Variants in CMTM4 observed in about 807,000 individuals in gnomAD.
CMTM4 encodes CKLF like MARVEL transmembrane domain containing 4, also known as CKLF-like MARVEL transmembrane domain-containing protein 4.
A neutral mutation model predicts 19.0 loss-of-function variants in CMTM4; 8 were observed. The observed-to-expected ratio is 0.42, with a 90% confidence interval of 0.25 to 0.76. The LOEUF is 0.76. Ranked by LOEUF, CMTM4 falls within the 30% of genes least tolerant of loss-of-function variation. The pLI, the probability that CMTM4 is intolerant of heterozygous loss-of-function variation, is 0.27. For missense variants in CMTM4, 228 were observed against 290.2 expected (o/e 0.79, Z 1.56); for synonymous variants, 106 against 121.1 (o/e 0.88, Z 0.82).
Position 66,621,771 on chromosome 16 carries a change from T to A in CMTM4, c.*287A>T. 1 of 1,252,610 alleles carries A rather than the reference T, an allele frequency of 8.0e-7. No homozygotes were observed. The highest frequency in any genetic ancestry group is 3.4e-5 in the East Asian group (1 of 29,034). 77.6% of individuals were successfully genotyped at this position (1,252,610 alleles called of 1,614,324 possible). On this transcript the variant is annotated 3_prime_UTR_variant, in exon 4 of 4. Transcript: ENST00000394106. ...CTTGTTACAAATACACACGACAAGG[T>A]GGCTCAGAGTCAAAGGAAGCCTGTG...
In CMTM4 at chr16:66,636,579, G is replaced by T. The variant is rs777720274; in HGVS notation, c.189C>A (p.Ile63=). ...TGCAGATGAATGCAATCAGGGCCAA[G>T]ATCTAGGAAGAAAATTGGAAACATA... ...ALGRLKVAQV[I]LALIAFICIE... Residue 63 remains isoleucine, a splice_region_variant and synonymous_variant, in exon 2 of 4, where the codon ATC becomes ATA. Coordinates refer to ENST00000394106, the MANE Select transcript of CMTM4 (RefSeq NM_181521.3). 6.8e-6 allele frequency: 11 copies of T among 1,613,404 alleles called. No homozygotes were observed. The highest frequency in any genetic ancestry group is 9.3e-6 in the Non-Finnish European group (11 of 1,179,554).
At chr16:66,610,085 G>A (rs2015319416), downstream of CMTM4, 4 of 1,560,078 alleles carry the variant, frequency 2.6e-6, no homozygotes, top group Admixed American at 1.8e-5. The surrounding 1 kb of genome is among the most constrained non-coding windows in gnomAD (Gnocchi z 4.6). Context: ...TTTGAGGCTG[G>A]GGTGGGATCA....
chr16:66,663,957 G>A (rs1567422384), intron 1 of CMTM4, among the ~76,000 whole-genome samples: 1 of 152,286 alleles, frequency 6.6e-6, no homozygotes, highest in South Asian at 2.1e-4. Context: ...AACAGGCCAG[G>A]TGCAGTGGCA....
At chr16:66,603,680 T>C in the CMTM4 span, among the ~76,000 whole-genome samples, 1 of 152,200 alleles carries the variant, frequency 6.6e-6, no homozygotes, top group Admixed American at 6.5e-5. Context: ...GAGTTAGTTA[T>C]GTCAAGGGTG....
the CMTM4 span, among the ~76,000 whole-genome samples, chr16:66,602,191 G>C: frequency 6.6e-6 from 1 of 152,226 alleles, no homozygotes. Flanking sequence ...GAGGCCAGGA[G>C]TTCAAGACCA....
rs757590415 is a variant in CMTM4 at position 66,687,498 on chromosome 16, A to AAAAATAAAAT, written c.186+8832_186+8841dup. On this transcript the variant is annotated intron_variant, in intron 1 of 3. Coordinates refer to ENST00000394106, the MANE Select transcript of CMTM4 (RefSeq NM_181521.3). Reference sequence around the variant, plus strand: ...CTAGGCAACATAGCGAGACCGTCTCAAAAATAAAATAAAATAAAATAAAAT... The same window carrying AAAAATAAAAT: ...CTAGGCAACATAGCGAGACCGTCTCAAAAATAAAATAAAATAAAATAAAATAAAATAAAAT... Among the ~76,000 whole-genome samples the AAAAATAAAAT allele has an allele frequency of 3.3e-5, 5 of 152,068 alleles. No homozygotes were observed. In the East Asian group the frequency reaches 9.7e-4, roughly 29 times the overall value.
chr16:66,610,383 A>G (rs374280034), downstream of CMTM4, among the ~76,000 whole-genome samples: 1 of 152,264 alleles, frequency 6.6e-6, no homozygotes, highest in South Asian at 2.1e-4. This position sits in a 1 kb window ranked among gnomAD's most constrained non-coding sequence, Gnocchi z 4.6. Flanking sequence ...TGTCCTGGGA[A>G]GCTCAGAGCC....
chr16:66,680,845 T>C (rs1436023233), intron 1 of CMTM4, among the ~76,000 whole-genome samples: 2 of 150,798 alleles, frequency 1.3e-5, no homozygotes, highest in African/African-American at 4.9e-5. Context: ...CATTTAGTTA[T>C]GTCCTTTCCA....
At chr16:66,647,789 G>A (rs1451021768) in intron 1 of CMTM4, among the ~76,000 whole-genome samples, 1 of 151,482 alleles carries the variant, frequency 6.6e-6, no homozygotes, top group African/African-American at 2.4e-5. Context: ...TCCCACCTCA[G>A]CCTCCCGAGT....
chr16:66,640,416 A>G (rs1300449950), intron 1 of CMTM4, among the ~76,000 whole-genome samples: 4 of 152,192 alleles, frequency 2.6e-5, no homozygotes, highest in Non-Finnish European at 4.4e-5. Flanking sequence ...AGAGCACTGG[A>G]GGCAGAGTGG....
Position 66,696,348 on chromosome 16 carries a change from C to A in CMTM4, c.178G>T (p.Ala60Ser). The stretch of plus-strand genomic sequence containing the variant: ...CCCCGCCCGGCACCTACCACTTGGG[C>A]GACCTTGAGGCGGCCGAGCGCGCCG... ...LRGALGRLKV[A>S]QVILALIAFI... Residue 60 changes from alanine (A) to serine (S), a missense_variant, in exon 1 of 4, where the codon GCC becomes TCC. Coordinates refer to ENST00000394106, the MANE Select transcript of CMTM4 (RefSeq NM_181521.3). The surrounding 1 kb of genome is among the most constrained non-coding windows in gnomAD (Gnocchi z 4.3). 1 of 1,409,248 alleles carries A rather than the reference C, an allele frequency of 7.1e-7. No homozygotes were observed. The highest frequency in any genetic ancestry group is 9.2e-7 in the Non-Finnish European group (1 of 1,082,648). The allele number at this position is 1,409,248 out of a possible 1,614,324, so 87.3% of individuals were successfully genotyped here.
chr16:66,693,481 A>G (rs2017174882), intron 1 of CMTM4, among the ~76,000 whole-genome samples: 1 of 152,232 alleles, frequency 6.6e-6, no homozygotes, highest in Admixed American at 6.5e-5. Flanking sequence ...AAGTATCTTC[A>G]TAATGACTTC....
chr16:66,618,559 G>A lies in CMTM4; in HGVS notation c.*3499C>T. ...TTCTCATGTGAATCTACAAGAAAAG[G>A]TACGCCTGGGCCACACGCAGGACAT... On this transcript the variant is annotated 3_prime_UTR_variant, in exon 4 of 4. Transcript: ENST00000394106. 1 of 985,466 alleles carries A rather than the reference G, an allele frequency of 1.0e-6. No homozygotes were observed. The highest frequency in any genetic ancestry group is 1.2e-6 in the Non-Finnish European group (1 of 829,968). 61.0% of individuals were successfully genotyped at this position (985,466 alleles called of 1,614,324 possible). A position where few individuals can be genotyped will look rare whatever the true frequency, so the allele number is the denominator to read the frequency against.
chr16:66,693,901 G>A (rs1200529535), intron 1 of CMTM4, among the ~76,000 whole-genome samples: 1 of 151,920 alleles, frequency 6.6e-6, no homozygotes, highest in African/African-American at 2.4e-5. Context: ...GTGCGTCTGT[G>A]GTCCCAGCTA....
intron 1 of CMTM4, among the ~76,000 whole-genome samples, chr16:66,674,164 A>G (rs1021306499): frequency 1.3e-5 from 2 of 152,194 alleles, no homozygotes; most frequent in African/African-American, 4.8e-5. Context: ...CGAAGGGAGG[A>G]CATAGGCCTT....
At chr16:66,672,416 C>T (rs1302257701) in intron 1 of CMTM4, among the ~76,000 whole-genome samples, 1 of 133,008 alleles carries the variant, frequency 7.5e-6, no homozygotes, top group Non-Finnish European at 1.6e-5. Context: ...AAGACTACGT[C>T]TCAAAAAAAA....
At chr16:66,627,631 G>C (rs1423069416) in intron 2 of CMTM4, among the ~76,000 whole-genome samples, 1 of 152,060 alleles carries the variant, frequency 6.6e-6, no homozygotes, top group Non-Finnish European at 1.5e-5. Context: ...GCCTATTCTG[G>C]ACATTTTTTT....
At chr16:66,658,323 G>A (rs1305037761) in intron 1 of CMTM4, among the ~76,000 whole-genome samples, 5 of 152,012 alleles carry the variant, frequency 3.3e-5, no homozygotes, top group Non-Finnish European at 5.9e-5. Flanking sequence ...ATCTGGACCC[G>A]GATTCTCAAT....
the CMTM4 span, among the ~76,000 whole-genome samples, chr16:66,602,426 C>T: frequency 6.6e-6 from 1 of 152,272 alleles, no homozygotes; most frequent in East Asian, 1.9e-4. Context: ...ACTAGGTCCA[C>T]ACGTGTTTGT....
Sources: allele counts gnomAD v4.1 joint callset (sites outside exome capture counted in the v4.1 genomes callset), GRCh38; gene constraint gnomAD v4.1.1; non-coding constraint Gnocchi (gnomAD v3.1); transcripts MANE v1.5; gene names NCBI Gene and HGNC (gene_info 2026-07-23, HGNC 2026-07-21).